The following TENM3 variants were observed in gnomAD, a reference collection of about 807,000 sequenced individuals.
TENM3 encodes teneurin-3.
TENM3 carries 63 observed loss-of-function variants against 255.1 expected under a neutral mutation model. The ratio of observed to expected loss-of-function variants is 0.25; its 90% CI spans 0.20 to 0.30. The LOEUF (loss-of-function observed/expected upper bound fraction) is 0.30, where lower values mean the gene tolerates loss of function less well. Ranked by LOEUF, TENM3 falls within the 10% of genes least tolerant of loss-of-function variation. The pLI is 1.00. For synonymous variants in TENM3, 1,306 were observed against 1,322.3 expected, an observed-to-expected ratio of 0.99 and a Z score of 0.27; for missense variants, 2,929 against 3,461.1, an observed-to-expected ratio of 0.85 and a Z score of 3.86.
intron 24 of TENM3, among the ~76,000 whole-genome samples, chr4:182,784,334 C>T (rs1346703469): frequency 6.6e-6 from 1 of 151,780 alleles, no homozygotes; most frequent in African/African-American, 2.4e-5. Context: ...CAGTGTGCCC[C>T]TGCTGGGGGG....
At chr4:182,130,432 C>A in the TENM3 span, among the ~76,000 whole-genome samples, 1 of 152,204 alleles carries the variant, frequency 6.6e-6, no homozygotes, top group African/African-American at 2.4e-5. Context: ...TAATACTTAG[C>A]AATACATAAT....
the TENM3 span, among the ~76,000 whole-genome samples, chr4:181,600,342 C>T: frequency 2.6e-5 from 4 of 152,156 alleles, no homozygotes; most frequent in African/African-American, 4.8e-5. Flanking sequence ...AATGGAGGCT[C>T]GCACATGGTT....
chr4:182,098,089 A>G, the TENM3 span, among the ~76,000 whole-genome samples: 53 of 152,348 alleles, frequency 3.5e-4, no homozygotes, highest in Non-Finnish European at 8.8e-5. Context: ...AAAAAGCTCA[A>G]CATTACTAAT....
chr4:182,472,892 TTTG>T (rs770911113), intron 3 of TENM3, among the ~76,000 whole-genome samples: 2 of 152,166 alleles, frequency 1.3e-5, no homozygotes, highest in South Asian at 2.1e-4. Flanking sequence ...ATTGTATCAT[TTTG>T]TTGTTGTTGT....
chr4:181,784,882 A>T, the TENM3 span, among the ~76,000 whole-genome samples: 8 of 152,180 alleles, frequency 5.3e-5, no homozygotes, highest in African/African-American at 1.4e-4. Context: ...GGAGTGAGAG[A>T]TAAGTTATTT....
chr4:181,934,432 C>G, the TENM3 span, among the ~76,000 whole-genome samples: 1 of 152,086 alleles, frequency 6.6e-6, no homozygotes, highest in African/African-American at 2.4e-5. Flanking sequence ...TTAAATAGCT[C>G]TAATTACATT....
At chr4:181,710,408 C>T in the TENM3 span, among the ~76,000 whole-genome samples, 1 of 152,030 alleles carries the variant, frequency 6.6e-6, no homozygotes, top group Admixed American at 6.5e-5. Flanking sequence ...TGAAGGTATT[C>T]CTGTAAGAAG....
intron 3 of TENM3, among the ~76,000 whole-genome samples, chr4:182,600,140 T>C (rs759955644): frequency 1.3e-5 from 2 of 152,236 alleles, no homozygotes; most frequent in Non-Finnish European, 2.9e-5. Flanking sequence ...ATCACTGACA[T>C]AGTGGCATGA....
chr4:182,764,871 G>A (rs1263061522), intron 22 of TENM3, among the ~76,000 whole-genome samples: 2 of 152,188 alleles, frequency 1.3e-5, no homozygotes, highest in Non-Finnish European at 1.5e-5. Flanking sequence ...TGTAAGGATA[G>A]ATTTAAGGTA....
chr4:181,804,762 C>T, the TENM3 span, among the ~76,000 whole-genome samples: 2 of 152,122 alleles, frequency 1.3e-5, no homozygotes, highest in South Asian at 4.2e-4. Flanking sequence ...GTAGTCCCAG[C>T]TACTCAGGAG....
At chr4:182,164,503 T>C (rs924950589) in intron 1 of TENM3, among the ~76,000 whole-genome samples, 6 of 152,214 alleles carry the variant, frequency 3.9e-5, no homozygotes, top group African/African-American at 9.6e-5. Flanking sequence ...GTTGACTTAA[T>C]TGACATTCTG....
At chr4:182,654,400 T>C (rs1291590249) in intron 6 of TENM3, among the ~76,000 whole-genome samples, 1 of 152,230 alleles carries the variant, frequency 6.6e-6, no homozygotes, top group Non-Finnish European at 1.5e-5. Context: ...TTGAAATCAA[T>C]TGGCTCTGAA....
chr4:181,450,479 C>T, the TENM3 span, among the ~76,000 whole-genome samples: 2 of 152,204 alleles, frequency 1.3e-5, no homozygotes, highest in Admixed American at 1.3e-4. Context: ...AGGGCATCTG[C>T]TCCTTTTCCG....
the TENM3 span, among the ~76,000 whole-genome samples, chr4:182,111,374 T>C: frequency 6.6e-6 from 1 of 152,156 alleles, no homozygotes; most frequent in African/African-American, 2.4e-5. Flanking sequence ...GGCCTTTTAA[T>C]TCATGGATCA....
chr4:182,164,019 G>T (rs1751541627), intron 1 of TENM3, among the ~76,000 whole-genome samples: 1 of 152,160 alleles, frequency 6.6e-6, no homozygotes, highest in African/African-American at 2.4e-5. Context: ...CCAGATATGA[G>T]TATCCAGGGG....
intron 13 of TENM3, among the ~76,000 whole-genome samples, chr4:182,716,872 G>A (rs1759223127): frequency 6.6e-6 from 1 of 152,166 alleles, no homozygotes; most frequent in Non-Finnish European, 1.5e-5. Flanking sequence ...GACTTATCCA[G>A]AGAGTAGCTA....
intron 1 of TENM3, among the ~76,000 whole-genome samples, chr4:182,212,330 T>A (rs1018793113): frequency 6.6e-6 from 1 of 152,158 alleles, no homozygotes; most frequent in Non-Finnish European, 1.5e-5. Flanking sequence ...ACCCATAGCA[T>A]CAGGCAGAGA....
At chr4:181,897,018 C>T in the TENM3 span, among the ~76,000 whole-genome samples, 1 of 152,134 alleles carries the variant, frequency 6.6e-6, no homozygotes, top group African/African-American at 2.4e-5. Flanking sequence ...GTTGTCCATC[C>T]TAGCCCTGAA....
chr4:182,018,106 G>A, the TENM3 span, among the ~76,000 whole-genome samples: 8 of 152,146 alleles, frequency 5.3e-5, no homozygotes, highest in Non-Finnish European at 7.4e-5. Flanking sequence ...TAATTATTTG[G>A]TTTGTACAAC....
Sources: allele counts gnomAD v4.1 joint callset (sites outside exome capture counted in the v4.1 genomes callset), GRCh38; gene constraint gnomAD v4.1.1; transcripts MANE v1.5; gene names NCBI Gene and HGNC (gene_info 2026-07-23, HGNC 2026-07-21).